NRXN3: variants seen among roughly 807,000 people sequenced by gnomAD.
NRXN3 encodes neurexin III.
NRXN3 carries 32 observed loss-of-function variants against 137.6 expected under a neutral mutation model. The ratio of observed to expected loss-of-function variants is 0.23; its 90% CI spans 0.18 to 0.31. The LOEUF (loss-of-function observed/expected upper bound fraction) is 0.31. Among genes scored for constraint, NRXN3 ranks in the 10% least tolerant of loss-of-function variants. The probability of loss-of-function intolerance (pLI) is 1.00; values close to 1 mark genes in which losing one functional copy is unlikely to be tolerated. For missense variants in NRXN3, 1,574 were observed against 2,062.5 expected (o/e 0.76, Z 4.59); for synonymous variants, 798 against 784.5 (o/e 1.02, Z -0.29).
rs1567176427 is a variant in NRXN3 at position 78,734,244 on chromosome 14, CACACACACA to C, written c.2044+19106_2044+19114del. ...ACACACACACACACACACACACACA[CACACACACA>C]CCCTTTTCATCTTACTAATTCCTAT... On this transcript the variant is annotated intron_variant, in intron 8 of 20. Transcript: ENST00000335750. Among the ~76,000 whole-genome samples, 5 of 151,322 alleles carry C rather than the reference CACACACACA, an allele frequency of 3.3e-5. 1 individual carries two copies. Among genetic ancestry groups the C allele is most frequent in the Admixed American group, 1.3e-4 (2 of 15,174 alleles).
chr14:78,954,744 C>T (rs564960368), intron 10 of NRXN3, among the ~76,000 whole-genome samples: 35 of 149,610 alleles, frequency 2.3e-4, no homozygotes, highest in African/African-American at 7.6e-4. Context: ...GGATTACAGG[C>T]GTGAGCCACT....
At chr14:78,331,244 G>C (rs1475211650) in intron 4 of NRXN3, among the ~76,000 whole-genome samples, 1 of 152,136 alleles carries the variant, frequency 6.6e-6, no homozygotes, top group Non-Finnish European at 1.5e-5. Flanking sequence ...GAAGAGCCTG[G>C]CTGGATTTGA....
chr14:78,882,507 G>T (rs2099132053), intron 10 of NRXN3, among the ~76,000 whole-genome samples: 1 of 151,808 alleles, frequency 6.6e-6, no homozygotes, highest in Admixed American at 6.5e-5. Flanking sequence ...GTAGTCTAAG[G>T]AGATAGTTTT....
chr14:78,358,729 G>A (rs1287868099), intron 4 of NRXN3, among the ~76,000 whole-genome samples: 4 of 152,168 alleles, frequency 2.6e-5, no homozygotes, highest in African/African-American at 9.7e-5. Context: ...ATAAATCTCA[G>A]GCTTTGGGCT....
intron 4 of NRXN3, among the ~76,000 whole-genome samples, chr14:78,574,061 G>A (rs1479872642): frequency 2.6e-5 from 4 of 152,236 alleles, no homozygotes; most frequent in Non-Finnish European, 5.9e-5. Flanking sequence ...TGCTTCAGAG[G>A]GTACAAGCCC....
intron 10 of NRXN3, among the ~76,000 whole-genome samples, chr14:78,845,726 T>C (rs1190284695): frequency 6.6e-6 from 1 of 152,116 alleles, no homozygotes; most frequent in East Asian, 1.9e-4. Flanking sequence ...GTATTCATTC[T>C]GCGTGTAAGA....
chr14:78,725,178 A>G (rs1290192110), intron 8 of NRXN3, among the ~76,000 whole-genome samples: 1 of 152,126 alleles, frequency 6.6e-6, no homozygotes, highest in African/African-American at 2.4e-5. Flanking sequence ...TGCATTTCAG[A>G]TTTCAATCTT....
At chr14:79,467,490 C>A in intron 16 of NRXN3, 88 bp downstream of exon 16, 1 of 1,183,802 alleles carries the variant, frequency 8.4e-7, no homozygotes, top group Non-Finnish European at 1.2e-6. Context: ...CATTCTAGAT[C>A]AATATGGCAA....
intron 4 of NRXN3, among the ~76,000 whole-genome samples, chr14:78,464,910 A>T (rs1014705566): frequency 1.3e-5 from 2 of 152,222 alleles, no homozygotes; most frequent in African/African-American, 4.8e-5. Flanking sequence ...CTTATCCATT[A>T]TCAAGGTATA....
At chr14:78,230,800 G>C (rs933336423) in intron 1 of NRXN3, among the ~76,000 whole-genome samples, 2 of 152,128 alleles carry the variant, frequency 1.3e-5, no homozygotes, top group Non-Finnish European at 2.9e-5. Flanking sequence ...GCCATGTGGG[G>C]TCTCAAAGGC....
At chr14:78,647,572 T>A (rs1042086555) in intron 5 of NRXN3, among the ~76,000 whole-genome samples, 1 of 152,202 alleles carries the variant, frequency 6.6e-6, no homozygotes, top group Non-Finnish European at 1.5e-5. Flanking sequence ...TAAGTGCAAT[T>A]CTCTGTTCTA....
intron 6 of NRXN3, among the ~76,000 whole-genome samples, chr14:78,675,623 A>C (rs950756205): frequency 6.6e-6 from 1 of 152,206 alleles, no homozygotes; most frequent in African/African-American, 2.4e-5. Context: ...GGATCAAATA[A>C]ATTTTATTAT....
At chr14:78,498,334 T>A (rs183438740) in intron 4 of NRXN3, among the ~76,000 whole-genome samples, 41 of 152,284 alleles carry the variant, frequency 2.7e-4, no homozygotes, top group Non-Finnish European at 1.5e-5. Context: ...GATTTCTTAC[T>A]GGGACTGGCT....
intron 4 of NRXN3, among the ~76,000 whole-genome samples, chr14:78,568,815 G>T (rs1429496313): frequency 6.6e-6 from 1 of 152,166 alleles, no homozygotes; most frequent in African/African-American, 2.4e-5. Flanking sequence ...AACATCTGGA[G>T]ACACTGCTAT....
chr14:79,868,126 G>A lies in NRXN3; in HGVS notation c.*6162G>A, dbSNP rs762620391. On this transcript the variant is annotated 3_prime_UTR_variant, in exon 21 of 21. Transcript: ENST00000335750. ...AGAAATATTGGATGAAATAATTCATGTGAAATGCTTAACATATGTGTGACA... is the reference window on the plus strand; with the variant it reads ...AGAAATATTGGATGAAATAATTCATATGAAATGCTTAACATATGTGTGACA... 4 of 152,116 alleles carry A rather than the reference G, an allele frequency of 2.6e-5. No homozygotes were observed. Among genetic ancestry groups the A allele is most frequent in the African/African-American group, 4.8e-5 (2 of 41,412 alleles). The allele number at this position is 152,116 out of a possible 1,614,324, so 9.4% of individuals were successfully genotyped here.
intron 4 of NRXN3, among the ~76,000 whole-genome samples, chr14:78,331,879 G>A (rs1157229579): frequency 6.6e-6 from 1 of 152,174 alleles, no homozygotes; most frequent in East Asian, 1.9e-4. Flanking sequence ...TCAATATACA[G>A]TTTTACGGGC....
At chr14:79,138,647 A>G (rs1013994886) in intron 15 of NRXN3, among the ~76,000 whole-genome samples, 1 of 152,200 alleles carries the variant, frequency 6.6e-6, no homozygotes, top group Non-Finnish European at 1.5e-5. Context: ...AAATTATTGG[A>G]CAGAAAGTGA....
At chr14:79,554,335 C>G (rs1227849317) in intron 16 of NRXN3, among the ~76,000 whole-genome samples, 1 of 152,160 alleles carries the variant, frequency 6.6e-6, no homozygotes, top group Non-Finnish European at 1.5e-5. Flanking sequence ...AACACGTTGT[C>G]TACTCTATTA....
chr14:79,788,551 T>C (rs115282462), intron 19 of NRXN3, among the ~76,000 whole-genome samples: 2 of 152,302 alleles, frequency 1.3e-5, no homozygotes, highest in African/African-American at 4.8e-5. Context: ...GAAGTAGATG[T>C]CACTGACTCA....
Sources: gnomAD v4.1 joint callset for allele counts (sites outside exome capture counted in the v4.1 genomes callset) on GRCh38, gnomAD v4.1.1 for gene constraint, MANE v1.5 for transcripts, NCBI Gene and HGNC (gene_info 2026-07-23, HGNC 2026-07-21) for gene names.